The following INPP5D variants were observed in gnomAD, a reference collection of about 807,000 sequenced individuals.
INPP5D encodes phosphatidylinositol 3,4,5-trisphosphate 5-phosphatase 1.
Under a neutral mutation model 122.9 loss-of-function variants are expected in INPP5D, and 33 were observed. The observed-to-expected ratio is 0.27, with a 90% CI of 0.20 to 0.36. The LOEUF is 0.36. Among genes scored for constraint, INPP5D ranks in the 10% least tolerant of loss-of-function variants. The pLI, the probability that INPP5D is intolerant of heterozygous loss-of-function variation, is 1.00. For missense variants in INPP5D, 1,053 were observed against 1,412.7 expected, an observed-to-expected ratio of 0.75 and a Z score of 4.08; for synonymous variants, 584 against 576.2, an observed-to-expected ratio of 1.01 and a Z score of -0.19.
chr2:233,161,732 A>G lies in INPP5D; in HGVS notation c.1146A>G (p.Glu382=). The G allele has an allele frequency of 1.2e-6, 2 of 1,612,776 alleles. No individual in the cohort carries two copies. Among genetic ancestry groups the G allele is most frequent in the Non-Finnish European group, 1.7e-6 (2 of 1,179,288 alleles). ...EYVFADSKKR[E]GFCQLLQQMK... Reference sequence around the variant, plus strand: ...TGCCCTTCCATCCCTAGAAGAGAGAAGGCTTCTGCCAGCTCCTGCAGCAGA... The same window carrying G: ...TGCCCTTCCATCCCTAGAAGAGAGAGGGCTTCTGCCAGCTCCTGCAGCAGA... The change falls in exon 11 of 27, where the codon GAA becomes GAG. Residue 382 remains glutamate (E), a synonymous_variant. Transcript: ENST00000445964.
intron 13 of INPP5D, among the ~76,000 whole-genome samples, chr2:233,167,391 C>T (rs1382592171): frequency 6.6e-6 from 1 of 150,746 alleles, no homozygotes; most frequent in Non-Finnish European, 1.5e-5. Flanking sequence ...AATACAAACA[C>T]TCGGGCAGGG....
chr2:233,096,576 T>C (rs2106228443), intron 2 of INPP5D, among the ~76,000 whole-genome samples: 1 of 152,106 alleles, frequency 6.6e-6, no homozygotes, highest in South Asian at 2.1e-4. Context: ...CACTTGAACC[T>C]GGGAGGCGGA....
chr2:233,150,820 G>C (rs148150189), intron 9 of INPP5D, among the ~76,000 whole-genome samples: 2,754 of 152,282 alleles, frequency 0.018, 65 homozygotes, highest in East Asian at 0.09. Context: ...CTTTTGGGGA[G>C]TGAGGGCAGG....
chr2:233,125,760 C>T lies in INPP5D; in HGVS notation c.365C>T (p.Ser122Phe). Residue 122 changes from serine (S) to phenylalanine (F), a missense_variant, in exon 4 of 27, where the codon TCT becomes TTT. This residue lies in a region of INPP5D where 196 missense variants were observed against 175.6 expected (regional missense o/e 1.12). Transcript: ENST00000445964. ...TTCTCTCCAGTAGAAAGTGTCGTGT[C>T]TCCACCCGAGCTGCCCCCAAGAAAC... ...PEEDTVESVV[S>F]PPELPPRNIP... The T allele has an allele frequency of 6.2e-7, 1 of 1,613,252 alleles. No homozygotes were observed. Among genetic ancestry groups the T allele is most frequent in the Non-Finnish European group, 8.5e-7 (1 of 1,179,474 alleles).
chr2:233,168,389 C>T (rs1694402587), intron 13 of INPP5D, among the ~76,000 whole-genome samples: 1 of 152,248 alleles, frequency 6.6e-6, no homozygotes, highest in South Asian at 2.1e-4. Context: ...TTGGACAGAG[C>T]AGGTTCTCAC....
In INPP5D at chr2:233,105,806, G is replaced by T. The variant is rs116307041; in HGVS notation, c.199-16301G>T. On this transcript the variant is annotated intron_variant, in intron 2 of 26. Coordinates refer to ENST00000445964, the MANE Select transcript of INPP5D (RefSeq NM_001017915.3). The surrounding 1 kb of genome is among the most constrained non-coding windows in gnomAD (Gnocchi z 4.0). ...CTGCCAGCAAGTGGAGGGTGCCAGG[G>T]AGAGAGTGGCTCTGGGGGGCCACAG... Among the ~76,000 whole-genome samples, 1,628 of 152,238 alleles carry T rather than the reference G, an allele frequency of 0.011. 29 individuals carry two copies. The highest frequency in any genetic ancestry group is 0.037 in the African/African-American group (1,524 of 41,530).
At chr2:233,125,985 T>C in intron 4 of INPP5D, 66 bp downstream of exon 4, 2 of 1,511,188 alleles carry the variant, frequency 1.3e-6, no homozygotes, top group East Asian at 2.3e-5. Context: ...CAGGGCTGGA[T>C]GGCTTGGGTT....
intron 6 of INPP5D, among the ~76,000 whole-genome samples, chr2:233,145,692 G>A (rs1693739714): frequency 6.6e-6 from 1 of 152,066 alleles, no homozygotes; most frequent in Non-Finnish European, 1.5e-5. Context: ...TTGGTGGGGC[G>A]GGTGAGGTGG....
chr2:233,064,105 T>C (rs1691147533), intron 1 of INPP5D, among the ~76,000 whole-genome samples: 1 of 152,258 alleles, frequency 6.6e-6, no homozygotes, highest in Non-Finnish European at 1.5e-5. Flanking sequence ...AAAGGCCCAA[T>C]GTCAGTATAT....
chr2:233,140,064 G>C (rs1018926141), intron 6 of INPP5D, 135 bp downstream of exon 6: 36 of 387,944 alleles, frequency 9.3e-5, no homozygotes, highest in Middle Eastern at 6.4e-4. Context: ...AAGCAGGTAC[G>C]CATGGGTTGG....
At chr2:233,073,497 G>A (rs948886408) in intron 1 of INPP5D, among the ~76,000 whole-genome samples, 2 of 151,888 alleles carry the variant, frequency 1.3e-5, no homozygotes, top group East Asian at 1.9e-4. Context: ...AACATTAGCC[G>A]AACATGGTGG....
intron 1 of INPP5D, among the ~76,000 whole-genome samples, chr2:233,074,460 G>T (rs1186828327): frequency 6.6e-6 from 1 of 152,152 alleles, no homozygotes; most frequent in Non-Finnish European, 1.5e-5. Context: ...TTCTGGAGGG[G>T]TCCATGTTAG....
intron 2 of INPP5D, among the ~76,000 whole-genome samples, chr2:233,111,434 T>G (rs1173044111): frequency 6.6e-6 from 1 of 152,238 alleles, no homozygotes; most frequent in Non-Finnish European, 1.5e-5. Context: ...TTACATGTAA[T>G]TGTCACATCC....
At position 233,164,402 on chromosome 2, in the gene INPP5D, GA is replaced by G; in HGVS notation, c.1534del (p.Thr512GlnfsTer24). 6.4e-7 allele frequency: 1 copy of G among 1,551,902 alleles called. No homozygotes were observed. ...ISHICTDNVK[T>X]GIANTLGNKG... ...GCCACATCTGTACTGACAACGTGAA[GA>G]CAGGCATTGCAAACACACTGGGTGA... On this transcript the variant is annotated frameshift_variant, in exon 13 of 27. Coordinates refer to ENST00000445964, the MANE Select transcript of INPP5D (RefSeq NM_001017915.3). LOFTEE classifies it high-confidence loss of function. The surrounding 1 kb of genome is among the most constrained non-coding windows in gnomAD (Gnocchi z 4.3).
intron 10 of INPP5D, among the ~76,000 whole-genome samples, chr2:233,161,349 C>G (rs1694192704): frequency 6.6e-6 from 1 of 152,158 alleles, no homozygotes; most frequent in Admixed American, 6.5e-5. Context: ...ACCTCGGCCT[C>G]CCAAAGTGCT....
chr2:233,118,667 C>T (rs765541690), intron 2 of INPP5D, among the ~76,000 whole-genome samples: 8 of 152,368 alleles, frequency 5.3e-5, no homozygotes, highest in Middle Eastern at 3.4e-3. Flanking sequence ...TGCGGGCCCA[C>T]TGCACACAGC....
At chr2:233,068,479 C>T (rs1251949895) in intron 1 of INPP5D, among the ~76,000 whole-genome samples, 1 of 151,918 alleles carries the variant, frequency 6.6e-6, no homozygotes, top group African/African-American at 2.4e-5. Context: ...CCTGTAATCC[C>T]AGCTACTTGG....
rs1230057932 is a variant in INPP5D, at chr2:233,062,419, C to T, written c.134+1807C>T. On this transcript the variant is annotated intron_variant, in intron 1 of 26. Transcript: ENST00000445964. ...CTCTGGTGCAACAGCCCTGGCTTTT[C>T]AGGAGGTAGACAGAGGGCAGAGAGC... 5.3e-5 allele frequency among the ~76,000 whole-genome samples: 8 copies of T among 152,340 alleles called. No homozygotes were observed. In the East Asian group the frequency reaches 1.5e-3, roughly 29 times the overall value.
intron 5 of INPP5D, among the ~76,000 whole-genome samples, chr2:233,135,068 A>T (rs185566862): frequency 2.0e-5 from 3 of 147,574 alleles, no homozygotes; most frequent in African/African-American, 7.7e-5. Flanking sequence ...GTAGGAAAAA[A>T]TTGCCAATTA....
Sources: gnomAD v4.1 joint callset for allele counts (sites outside exome capture counted in the v4.1 genomes callset) on GRCh38, gnomAD v4.1.1 for gene constraint, gnomAD v4.1.1 regional missense constraint, Gnocchi (gnomAD v3.1) non-coding constraint, MANE v1.5 for transcripts, NCBI Gene and HGNC (gene_info 2026-07-23, HGNC 2026-07-21) for gene names.